The following TAFA1 variants were observed in gnomAD, a reference collection of about 807,000 sequenced individuals.
TAFA1 encodes the protein TAFA chemokine like family member 1.
A neutral mutation model predicts 18.5 loss-of-function variants in TAFA1; 4 were observed. The ratio of observed to expected loss-of-function variants is 0.22; its 90% CI spans 0.11 to 0.49. TAFA1 has a LOEUF of 0.49. TAFA1 is among the 20% of genes least tolerant of loss of function. TAFA1 has a pLI of 0.98. For synonymous variants in TAFA1, 56 were observed against 55.2 expected (o/e 1.01, Z -0.06); for missense variants, 147 against 169.0 (o/e 0.87, Z 0.72).
chr3:68,432,240 A>T (rs1008308277), intron 3 of TAFA1, among the ~76,000 whole-genome samples: 2 of 151,896 alleles, frequency 1.3e-5, no homozygotes, highest in Non-Finnish European at 2.9e-5. Context: ...TCATTTCATA[A>T]CGTGTCCTTA....
intron 2 of TAFA1, among the ~76,000 whole-genome samples, chr3:68,290,265 C>T (rs755787264): frequency 2.6e-5 from 4 of 152,092 alleles, no homozygotes; most frequent in Non-Finnish European, 4.4e-5. Flanking sequence ...AAACGTCACA[C>T]AATACTAGTA....
At chr3:68,290,689 C>T (rs1328701105) in intron 2 of TAFA1, among the ~76,000 whole-genome samples, 1 of 152,136 alleles carries the variant, frequency 6.6e-6, no homozygotes, top group African/African-American at 2.4e-5. Context: ...CTCTTCTCTT[C>T]ACATAAGTCA....
intron 2 of TAFA1, among the ~76,000 whole-genome samples, chr3:68,241,387 C>A (rs565690000): frequency 6.6e-6 from 1 of 152,196 alleles, no homozygotes; most frequent in East Asian, 1.9e-4. Context: ...TGTTTTTGGA[C>A]TAACAATACT....
intron 3 of TAFA1, among the ~76,000 whole-genome samples, chr3:68,485,749 G>A (rs1358464487): frequency 2.6e-5 from 4 of 152,114 alleles, no homozygotes; most frequent in African/African-American, 4.8e-5. Context: ...CCACTGATTT[G>A]CACCTTGAAC....
At chr3:68,445,334 C>T (rs368141590) in intron 3 of TAFA1, among the ~76,000 whole-genome samples, 12 of 152,170 alleles carry the variant, frequency 7.9e-5, no homozygotes, top group African/African-American at 1.4e-4. Context: ...AGTGTTTGAT[C>T]CAAATTTGTG....
chr3:68,370,617 C>T (rs1415381526), intron 2 of TAFA1, among the ~76,000 whole-genome samples: 1 of 145,892 alleles, frequency 6.9e-6, no homozygotes, highest in African/African-American at 2.5e-5. Context: ...AGAAATGTTA[C>T]AAGTAGGATG....
chr3:68,197,696 A>G (rs1471913602), intron 2 of TAFA1, among the ~76,000 whole-genome samples: 3 of 151,670 alleles, frequency 2.0e-5, no homozygotes, highest in Admixed American at 6.6e-5. Flanking sequence ...TTGTCAAAAC[A>G]GCAAGCAGGA....
chr3:68,322,155 C>T (rs2068705408), intron 2 of TAFA1, among the ~76,000 whole-genome samples: 1 of 152,192 alleles, frequency 6.6e-6, no homozygotes, highest in South Asian at 2.1e-4. Flanking sequence ...GCTAAAATTA[C>T]ATATACAAGT....
chr3:68,320,658 G>C (rs1174586951), intron 2 of TAFA1, among the ~76,000 whole-genome samples: 6 of 152,140 alleles, frequency 3.9e-5, no homozygotes, highest in African/African-American at 1.4e-4. Context: ...CCCTGTTACT[G>C]CTAATACCCA....
chr3:68,226,105 T>G (rs2066796971), intron 2 of TAFA1, among the ~76,000 whole-genome samples: 1 of 152,228 alleles, frequency 6.6e-6, no homozygotes, highest in African/African-American at 2.4e-5. Flanking sequence ...ACCGACTGAT[T>G]GATGGAAAAG....
intron 2 of TAFA1, among the ~76,000 whole-genome samples, chr3:68,385,782 T>C (rs1395473146): frequency 1.3e-5 from 2 of 152,118 alleles, no homozygotes; most frequent in Non-Finnish European, 2.9e-5. Context: ...TTACAAATTA[T>C]TTGTCTTTTC....
intron 3 of TAFA1, among the ~76,000 whole-genome samples, chr3:68,486,846 G>A (rs10514723): frequency 0.093 from 14,212 of 152,132 alleles, 1,870 homozygotes; most frequent in African/African-American, 0.29. Flanking sequence ...GTCCTAATCA[G>A]TGTTTTCTAC....
intron 2 of TAFA1, among the ~76,000 whole-genome samples, chr3:68,268,459 A>G (rs1359795815): frequency 1.3e-5 from 2 of 152,106 alleles, no homozygotes; most frequent in African/African-American, 4.8e-5. Flanking sequence ...TGTCAGCTAA[A>G]TATTAGAGTC....
chr3:68,201,317 G>A (rs2066467568), intron 2 of TAFA1, among the ~76,000 whole-genome samples: 3 of 151,634 alleles, frequency 2.0e-5, no homozygotes, highest in Admixed American at 1.3e-4. Flanking sequence ...ATCTTTGTGA[G>A]TGTTTCATGT....
rs188668966 is a variant in TAFA1, at chr3:68,327,906, C to T, written c.119-89374C>T. On this transcript the variant is annotated intron_variant, in intron 2 of 4. Transcript: ENST00000478136. ...CCAGGTGGTCTACAAACCAGACACT[C>T]TCCAAACCCTTGAGTTCTTACTGTA... is the stretch of plus-strand genomic sequence containing the variant. 5.1e-3 allele frequency among the ~76,000 whole-genome samples: 770 copies of T among 152,272 alleles called. 6 individuals are homozygous for T. Among genetic ancestry groups the T allele is most frequent in the Non-Finnish European group, 7.2e-3 (487 of 68,028 alleles).
intron 2 of TAFA1, among the ~76,000 whole-genome samples, chr3:68,284,094 T>C (rs2067953738): frequency 6.6e-6 from 1 of 152,032 alleles, no homozygotes; most frequent in African/African-American, 2.4e-5. Context: ...CCAAGTTATT[T>C]TGAAAGACAG....
At chr3:68,242,730 T>C (rs139795488) in intron 2 of TAFA1, among the ~76,000 whole-genome samples, 2 of 152,288 alleles carry the variant, frequency 1.3e-5, no homozygotes, top group African/African-American at 4.8e-5. Flanking sequence ...ATATAAACTG[T>C]CATTTTGATG....
chr3:68,286,245 A>C (rs928496881), intron 2 of TAFA1, among the ~76,000 whole-genome samples: 3 of 150,476 alleles, frequency 2.0e-5, no homozygotes, highest in Non-Finnish European at 4.5e-5. Context: ...AATTTAAAAA[A>C]ATTTTTTAAA....
chr3:68,324,448 T>C (rs1368814771), intron 2 of TAFA1, among the ~76,000 whole-genome samples: 2 of 152,138 alleles, frequency 1.3e-5, no homozygotes, highest in Admixed American at 6.6e-5. Flanking sequence ...TCAATAAATG[T>C]TGAATTTCTT....
Sources: allele counts gnomAD v4.1 joint callset (sites outside exome capture counted in the v4.1 genomes callset), GRCh38; gene constraint gnomAD v4.1.1; transcripts MANE v1.5; gene names NCBI Gene and HGNC (gene_info 2026-07-23, HGNC 2026-07-21).